HECW1: variants seen among roughly 807,000 people sequenced by gnomAD.
HECW1 encodes HECT, C2 and WW domain containing E3 ubiquitin protein ligase 1.
Under a neutral mutation model 182.3 loss-of-function variants are expected in HECW1, and 61 were observed. The observed-to-expected ratio is 0.33, with a 90% CI of 0.27 to 0.41. HECW1 has a LOEUF of 0.41. HECW1 is among the 10% of genes least tolerant of loss of function. The pLI is 1.00. For missense variants in HECW1, 1,739 were observed against 2,108.9 expected (o/e 0.82, Z 3.44); for synonymous variants, 859 against 832.6 (o/e 1.03, Z -0.55).
At chr7:43,490,978 C>T (rs1398241873) in intron 17 of HECW1, among the ~76,000 whole-genome samples, 2 of 152,168 alleles carry the variant, frequency 1.3e-5, no homozygotes, top group African/African-American at 4.8e-5. Context: ...ATCTCAAACT[C>T]CTATCCTCAA....
chr7:43,287,348 G>T (rs1303592700), intron 3 of HECW1, among the ~76,000 whole-genome samples: 2 of 152,154 alleles, frequency 1.3e-5, no homozygotes, highest in East Asian at 1.9e-4. Context: ...TGGGAGTAGG[G>T]AGTGCAGAGG....
chr7:43,391,607 T>G (rs1051281530), intron 6 of HECW1, among the ~76,000 whole-genome samples: 26 of 152,214 alleles, frequency 1.7e-4, no homozygotes, highest in Admixed American at 1.6e-3. Context: ...GGAGATTTCC[T>G]TGGGATTCAG....
chr7:43,476,983 G>A (rs968704864), intron 16 of HECW1, among the ~76,000 whole-genome samples: 9 of 152,090 alleles, frequency 5.9e-5, no homozygotes, highest in Non-Finnish European at 4.4e-5. Flanking sequence ...TTAGCACTTG[G>A]ATAATAAATA....
chr7:43,163,991 C>T (rs2152659826), intron 2 of HECW1, among the ~76,000 whole-genome samples: 1 of 152,238 alleles, frequency 6.6e-6, no homozygotes, highest in Admixed American at 6.5e-5. Context: ...AGGAGGTGGG[C>T]AGGAGTTCAT....
At chr7:43,194,712 G>A (rs1390032964) in intron 2 of HECW1, among the ~76,000 whole-genome samples, 2 of 123,238 alleles carry the variant, frequency 1.6e-5, no homozygotes, top group Non-Finnish European at 3.6e-5. Flanking sequence ...TTTTTTTTTT[G>A]AGATGGAGTC....
chr7:43,160,339 C>A (rs1020363328), intron 2 of HECW1, among the ~76,000 whole-genome samples: 1 of 152,032 alleles, frequency 6.6e-6, no homozygotes, highest in Non-Finnish European at 1.5e-5. Flanking sequence ...TTGGTCAGAG[C>A]TCTCAATGCT....
chr7:43,126,792 A>G (rs1786293304), intron 2 of HECW1, among the ~76,000 whole-genome samples: 1 of 152,162 alleles, frequency 6.6e-6, no homozygotes, highest in Non-Finnish European at 1.5e-5. Flanking sequence ...GATATCTGTT[A>G]TGGTGATCTC....
rs77426106 is a variant in HECW1 at position 43,220,353 on chromosome 7, G to A, written c.-31-23522G>A. On this transcript the variant is annotated intron_variant, in intron 2 of 29. Coordinates refer to ENST00000395891, the MANE Select transcript of HECW1 (RefSeq NM_015052.5). Reference sequence around the variant, plus strand: ...CAGAGTATTGCCAGTAGAGACACTCGCCTGAGTCTTCACGTCCAGAGTTGT... The same window carrying A: ...CAGAGTATTGCCAGTAGAGACACTCACCTGAGTCTTCACGTCCAGAGTTGT... 2.6e-5 allele frequency among the ~76,000 whole-genome samples: 4 copies of A among 152,126 alleles called. No homozygotes were observed. In the East Asian group the frequency reaches 7.7e-4, roughly 29 times the overall value.
At chr7:43,368,026 T>C (rs763146620) in intron 6 of HECW1, among the ~76,000 whole-genome samples, 19 of 152,232 alleles carry the variant, frequency 1.2e-4, no homozygotes, top group African/African-American at 2.4e-4. Context: ...ACAGTTATTC[T>C]GGGCATCTTT....
chr7:43,320,312 C>T lies in HECW1; in HGVS notation c.353-323C>T, dbSNP rs530789980. Among the ~76,000 whole-genome samples, 3 of 152,318 alleles carry T rather than the reference C, an allele frequency of 2.0e-5. No individual in the cohort carries two copies. The South Asian group carries it at 6.2e-4, about 32-fold the overall frequency. The stretch of plus-strand genomic sequence containing the variant: ...TTAGGAGGAAGATTTTCACACTGAG[C>T]TTTCACACATAGAAAAGCTATTTAA... On this transcript the variant is annotated intron_variant, in intron 4 of 29. Transcript: ENST00000395891.
intron 21 of HECW1, 29 bp downstream of exon 21, chr7:43,501,351 G>A: frequency 7.8e-7 from 1 of 1,278,768 alleles, no homozygotes; most frequent in Non-Finnish European, 1.1e-6. Context: ...AATAGCTCCT[G>A]TTAAGTGGCC....
At chr7:43,535,321 A>G (rs897848232) in intron 24 of HECW1, among the ~76,000 whole-genome samples, 7 of 152,236 alleles carry the variant, frequency 4.6e-5, no homozygotes, top group Admixed American at 1.3e-4. Context: ...AGATGGAACT[A>G]TGAGAAATCC....
chr7:43,298,294 T>G (rs1806292201), intron 3 of HECW1, among the ~76,000 whole-genome samples: 1 of 152,242 alleles, frequency 6.6e-6, no homozygotes, highest in Admixed American at 6.5e-5. Context: ...TTCACGCGAA[T>G]AAGTCCTAAA....
intron 5 of HECW1, among the ~76,000 whole-genome samples, chr7:43,326,508 A>G (rs970657823): frequency 6.6e-6 from 1 of 152,184 alleles, no homozygotes; most frequent in Non-Finnish European, 1.5e-5. Flanking sequence ...AGGCGGCCCC[A>G]TGAAGATGAC....
chr7:43,562,043 A>G lies in HECW1; in HGVS notation c.*117A>G. 1 of 646,638 alleles carries G rather than the reference A, an allele frequency of 1.5e-6. No homozygotes were observed. The highest frequency in any genetic ancestry group is 2.8e-6 in the Non-Finnish European group (1 of 360,936). The allele number at this position is 646,638 out of a possible 1,614,324, so 40.1% of individuals were successfully genotyped here. On this transcript the variant is annotated 3_prime_UTR_variant, in exon 30 of 30. Coordinates refer to ENST00000395891, the MANE Select transcript of HECW1 (RefSeq NM_015052.5). Reference sequence around the variant, plus strand: ...TTGATTTTGGTATTCCATGATTTTTATTTTCAAACCAAATCAGGATTGACA... The same window carrying G: ...TTGATTTTGGTATTCCATGATTTTTGTTTTCAAACCAAATCAGGATTGACA...
intron 17 of HECW1, among the ~76,000 whole-genome samples, chr7:43,482,357 G>A (rs1348660588): frequency 6.6e-6 from 1 of 152,230 alleles, no homozygotes; most frequent in Non-Finnish European, 1.5e-5. Flanking sequence ...GGTAGGAAAT[G>A]TTGACTGCAT....
intron 3 of HECW1, among the ~76,000 whole-genome samples, chr7:43,300,224 C>T (rs1806561435): frequency 6.6e-6 from 1 of 152,206 alleles, no homozygotes; most frequent in South Asian, 2.1e-4. Context: ...CCTTCCTCTT[C>T]CAATAGGAAT....
At position 43,463,644 on chromosome 7, in the gene HECW1, A is replaced by G. The variant is rs1563011659; in HGVS notation, c.2652-16A>G. On this transcript the variant is annotated splice_polypyrimidine_tract_variant and intron_variant, in intron 13 of 29. Coordinates refer to ENST00000395891, the MANE Select transcript of HECW1 (RefSeq NM_015052.5). ...AACCAAAGTTAACTCCTGTCTTTCC[A>G]TTTTCTAATGCAAAGGTATCAAAAC... 6.2e-7 allele frequency: 1 copy of G among 1,607,022 alleles called. No homozygotes were observed. Among genetic ancestry groups the G allele is most frequent in the Non-Finnish European group, 8.5e-7 (1 of 1,174,700 alleles).
intron 24 of HECW1, among the ~76,000 whole-genome samples, chr7:43,532,731 A>C (rs1315420610): frequency 6.6e-6 from 1 of 152,176 alleles, no homozygotes; most frequent in African/African-American, 2.4e-5. Flanking sequence ...TCCCTGGCAC[A>C]TTCAGAAGGA....
Sources: allele counts gnomAD v4.1 joint callset (sites outside exome capture counted in the v4.1 genomes callset), GRCh38; gene constraint gnomAD v4.1.1; transcripts MANE v1.5; gene names NCBI Gene and HGNC (gene_info 2026-07-23, HGNC 2026-07-21).